RBMS3: variants seen among roughly 807,000 people sequenced by gnomAD.
The protein encoded by RBMS3 is RNA-binding motif, single-stranded-interacting protein 3.
In RBMS3, 27 loss-of-function variants were observed where a neutral mutation model predicts 66.8. The observed-to-expected ratio is 0.40, with a 90% CI of 0.30 to 0.56. RBMS3 has a LOEUF of 0.56. Ranked by LOEUF, RBMS3 falls within the 20% of genes least tolerant of loss-of-function variation. The probability of loss-of-function intolerance (pLI) is 0.40; values close to 1 mark genes in which losing one functional copy is unlikely to be tolerated. For synonymous variants in RBMS3, 188 were observed against 183.0 expected (o/e 1.03, Z -0.22); for missense variants, 513 against 549.5 (o/e 0.93, Z 0.66).
chr3:29,785,732 C>CTA lies in RBMS3; in HGVS notation c.637+22743_637+22744insTA, dbSNP rs1360621669. 2.0e-5 allele frequency among the ~76,000 whole-genome samples: 3 copies of CTA among 151,986 alleles called. No individual in the cohort carries two copies. In the East Asian group the frequency reaches 5.8e-4, roughly 29 times the overall value. On this transcript the variant is annotated intron_variant, in intron 6 of 14. Coordinates refer to ENST00000383767, the MANE Select transcript of RBMS3 (RefSeq NM_001003793.3). ...CCGTCTATGACAAACCCACAGCCAACATTATACTGAACAGAGAAAAGTTGA... is the reference window on the plus strand; with the variant it reads ...CCGTCTATGACAAACCCACAGCCAACTAATTATACTGAACAGAGAAAAGTTGA...
intron 4 of RBMS3, among the ~76,000 whole-genome samples, chr3:29,631,952 A>G (rs1417443651): frequency 6.6e-6 from 1 of 151,970 alleles, no homozygotes; most frequent in Non-Finnish European, 1.5e-5. Flanking sequence ...CGACACATAC[A>G]TGTGCATTTG....
At chr3:29,301,423 G>C (rs2033662615) in intron 1 of RBMS3, among the ~76,000 whole-genome samples, 1 of 152,002 alleles carries the variant, frequency 6.6e-6, no homozygotes, top group Non-Finnish European at 1.5e-5. Flanking sequence ...GTCTCAGAAA[G>C]TTTAGGAAAC....
intron 1 of RBMS3, among the ~76,000 whole-genome samples, chr3:29,313,262 C>A (rs180726418): frequency 3.3e-5 from 5 of 151,790 alleles, no homozygotes; most frequent in African/African-American, 1.2e-4. Context: ...GTTTAATGCA[C>A]AACAAGAAAG....
intron 4 of RBMS3, among the ~76,000 whole-genome samples, chr3:29,677,306 T>C (rs527546727): frequency 1.3e-5 from 2 of 152,294 alleles, no homozygotes; most frequent in East Asian, 3.9e-4. Context: ...GATGATAGTG[T>C]TGCTAAAGTG....
At chr3:29,553,460 A>C (rs1463188142) in intron 3 of RBMS3, among the ~76,000 whole-genome samples, 2 of 152,136 alleles carry the variant, frequency 1.3e-5, no homozygotes, top group Non-Finnish European at 2.9e-5. Context: ...AGAGGGGATC[A>C]GGTCTTTTTA....
intron 1 of RBMS3, among the ~76,000 whole-genome samples, chr3:29,319,450 TTATC>T (rs2034881791): frequency 6.6e-6 from 1 of 151,986 alleles, no homozygotes; most frequent in South Asian, 2.1e-4. Flanking sequence ...AACTTCCCCT[TTATC>T]TGTACTGGTT....
intron 6 of RBMS3, among the ~76,000 whole-genome samples, chr3:29,803,695 A>G (rs1053617229): frequency 2.0e-5 from 3 of 152,062 alleles, no homozygotes; most frequent in African/African-American, 7.2e-5. Context: ...ATGTATGCAT[A>G]TAATGTGTGA....
intron 8 of RBMS3, among the ~76,000 whole-genome samples, chr3:29,893,768 A>G (rs1353904144): frequency 6.6e-6 from 1 of 151,524 alleles, no homozygotes; most frequent in African/African-American, 2.4e-5. Context: ...AGCATTTAAT[A>G]TGTGATATTG....
At chr3:29,457,779 TC>T (rs1327756434) in intron 2 of RBMS3, among the ~76,000 whole-genome samples, 2 of 151,542 alleles carry the variant, frequency 1.3e-5, no homozygotes, top group African/African-American at 4.9e-5. Flanking sequence ...ACAGGTTGCT[TC>T]CCCATTTCCT....
At chr3:29,674,489 G>A (rs183578485) in intron 4 of RBMS3, among the ~76,000 whole-genome samples, 1 of 152,152 alleles carries the variant, frequency 6.6e-6, no homozygotes, top group East Asian at 1.9e-4. Context: ...TGACATGATT[G>A]TATATTTAGT....
intron 3 of RBMS3, among the ~76,000 whole-genome samples, chr3:29,574,848 C>A (rs999567170): frequency 6.6e-6 from 1 of 151,714 alleles, no homozygotes; most frequent in Non-Finnish European, 1.5e-5. Flanking sequence ...CACACACACA[C>A]ACACACACAC....
At chr3:29,887,616 G>A (rs9826646) in intron 8 of RBMS3, among the ~76,000 whole-genome samples, 39,474 of 151,486 alleles carry the variant, frequency 0.26, 5,290 homozygotes, top group Admixed American at 0.29. Flanking sequence ...CCAGTTTCAG[G>A]CAGTTCTTTA....
In RBMS3 at chr3:30,004,113, GA is replaced by G. The variant is rs573004373; in HGVS notation, c.*260del. On this transcript the variant is annotated 3_prime_UTR_variant, in exon 15 of 15. Transcript: ENST00000383767. ...ATTAAAGAAAAAATTTCCAGAAGAG[GA>G]AAAAAAAACTACAAAAAACAAAACA... 1.4e-4 allele frequency: 44 copies of G among 307,192 alleles called. No homozygotes were observed. The highest frequency in any genetic ancestry group is 5.3e-4 in the East Asian group (11 of 20,654). The allele number at this position is 307,192 out of a possible 1,614,324, so 19.0% of individuals were successfully genotyped here.
chr3:29,530,823 G>T (rs1304141216), intron 3 of RBMS3, among the ~76,000 whole-genome samples: 1 of 150,778 alleles, frequency 6.6e-6, no homozygotes, highest in Non-Finnish European at 1.5e-5. Context: ...AGTGAGCTGA[G>T]ATCGCGCCAC....
At chr3:29,580,878 G>A (rs559661026) in intron 3 of RBMS3, among the ~76,000 whole-genome samples, 133 of 152,106 alleles carry the variant, frequency 8.7e-4, no homozygotes, top group Non-Finnish European at 1.6e-3. Context: ...TCTGTATAGT[G>A]GATATTGTTA....
At chr3:29,843,605 T>A (rs1411103469) in intron 6 of RBMS3, among the ~76,000 whole-genome samples, 2 of 152,158 alleles carry the variant, frequency 1.3e-5, no homozygotes, top group Admixed American at 1.3e-4. Context: ...CCTTCATTAG[T>A]TGAAAATGAA....
chr3:29,500,601 G>C (rs1415011193), intron 3 of RBMS3, among the ~76,000 whole-genome samples: 2 of 152,026 alleles, frequency 1.3e-5, no homozygotes, highest in South Asian at 2.1e-4. Context: ...ACTTATGATT[G>C]TGTTACCATT....
At chr3:29,702,806 C>A (rs144387877) in intron 4 of RBMS3, among the ~76,000 whole-genome samples, 1 of 152,170 alleles carries the variant, frequency 6.6e-6, no homozygotes, top group Admixed American at 6.5e-5. Context: ...ACTCCGAACA[C>A]GTCCGAACGT....
intron 6 of RBMS3, among the ~76,000 whole-genome samples, chr3:29,795,530 C>T (rs1304396949): frequency 6.6e-6 from 1 of 152,148 alleles, no homozygotes; most frequent in Non-Finnish European, 1.5e-5. Flanking sequence ...ATCCAGAATG[C>T]AGTTTTGTTC....
Sources: gnomAD v4.1 joint callset for allele counts (sites outside exome capture counted in the v4.1 genomes callset) on GRCh38, gnomAD v4.1.1 for gene constraint, MANE v1.5 for transcripts, NCBI Gene and HGNC (gene_info 2026-07-23, HGNC 2026-07-21) for gene names.